Variants in CD101 observed in about 807,000 individuals in gnomAD.
CD101 encodes CD101 molecule.
CD101 carries 76 observed loss-of-function variants against 98.2 expected under a neutral mutation model. That is an observed-to-expected ratio of 0.77 (90% CI 0.64 to 0.94). The LOEUF (loss-of-function observed/expected upper bound fraction) is 0.94, where lower values mean the gene tolerates loss of function less well. Ranked by LOEUF, CD101 falls within the 40% of genes least tolerant of loss-of-function variation. The pLI is 0.00. For synonymous variants in CD101, 471 were observed against 472.7 expected, an observed-to-expected ratio of 1.00 and a Z score of 0.05; for missense variants, 1,145 against 1,218.8, an observed-to-expected ratio of 0.94 and a Z score of 0.90.
intron 6 of CD101, among the ~76,000 whole-genome samples, chr1:117,020,123 T>A (rs1005521572): frequency 2.0e-5 from 3 of 152,048 alleles, no homozygotes; most frequent in African/African-American, 7.2e-5. Flanking sequence ...CCCTTAAGAC[T>A]CAGCTCAGAA....
intron 8 of CD101, among the ~76,000 whole-genome samples, chr1:117,031,226 C>G (rs1477231402): frequency 6.6e-6 from 1 of 152,212 alleles, no homozygotes; most frequent in Non-Finnish European, 1.5e-5. Context: ...CCTTTGATGG[C>G]AGATTGCACT....
rs1016766507 is a variant in CD101, at chr1:117,005,968, C to A, written c.44-3882C>A. On this transcript the variant is annotated intron_variant, in intron 1 of 9. Coordinates refer to ENST00000682167, the MANE Select transcript of CD101 (RefSeq NM_001256106.3). This position sits in a 1 kb window ranked among gnomAD's most constrained non-coding sequence, Gnocchi z 4.4. ...ATAATTTATATGTAAATATAAATAT[C>A]TATATTTAAATATTTCAAAATGTTT... Among the ~76,000 whole-genome samples, 10 of 151,894 alleles carry A rather than the reference C, an allele frequency of 6.6e-5. No individual in the cohort carries two copies. The highest frequency in any genetic ancestry group is 1.5e-4 in the Non-Finnish European group (10 of 67,980).
At position 117,019,827 on chromosome 1, in the gene CD101, T is replaced by C. The variant is rs6669622; in HGVS notation, c.2017+1267T>C. 0.39 allele frequency among the ~76,000 whole-genome samples: 59,447 copies of C among 151,934 alleles called. 12,088 individuals are homozygous for C. The highest frequency in any genetic ancestry group is 0.62 in the East Asian group (3,182 of 5,170). Reference sequence around the variant, plus strand: ...GCATTGCCCCTTATGTCCCCACTCCTCACCAGTGACCCAAGTTGAAAACCT... The same window carrying C: ...GCATTGCCCCTTATGTCCCCACTCCCCACCAGTGACCCAAGTTGAAAACCT... On this transcript the variant is annotated intron_variant, in intron 6 of 9. Transcript: ENST00000682167. This position sits in a 1 kb window ranked among gnomAD's most constrained non-coding sequence, Gnocchi z 4.3.
chr1:117,027,161 A>G (rs948682208), intron 8 of CD101, among the ~76,000 whole-genome samples: 2 of 152,232 alleles, frequency 1.3e-5, no homozygotes, highest in Non-Finnish European at 2.9e-5. Flanking sequence ...CAGCAAATGT[A>G]ATCTCCTTTT....
At chr1:117,002,602 A>G (rs934615384) in intron 1 of CD101, among the ~76,000 whole-genome samples, 2 of 152,242 alleles carry the variant, frequency 1.3e-5, no homozygotes, top group Non-Finnish European at 2.9e-5. Flanking sequence ...AATAGACTCC[A>G]TCTCAGAATA....
Position 117,035,656 on chromosome 1 carries a change from C to T in CD101, c.*34-512C>T, listed in dbSNP as rs556031484. Among the ~76,000 whole-genome samples, 127 of 151,676 alleles carry T rather than the reference C, an allele frequency of 8.4e-4. No homozygotes were observed. The Middle Eastern group carries it at 0.01, about 12-fold the overall frequency. On this transcript the variant is annotated intron_variant, in intron 9 of 9. Transcript: ENST00000682167. ...GCTCCGCCTCCCGGGTTCACGCCAT[C>T]CTCCTGCCTCAGCCTCCCAAGTAGC...
Position 117,005,139 on chromosome 1 carries a change from C to T in CD101, c.43+3279C>T, listed in dbSNP as rs185145329. 6.6e-5 allele frequency among the ~76,000 whole-genome samples: 10 copies of T among 152,204 alleles called. No individual in the cohort carries two copies. Among genetic ancestry groups the T allele is most frequent in the East Asian group, 3.9e-4 (2 of 5,182 alleles). Reference sequence around the variant, plus strand: ...CATCACCTTGGAAATTAGGTTTCTGCGTGTGAGTTTTAGGAAGACACAGAC... The same window carrying T: ...CATCACCTTGGAAATTAGGTTTCTGTGTGTGAGTTTTAGGAAGACACAGAC... On this transcript the variant is annotated intron_variant, in intron 1 of 9. Transcript: ENST00000682167. The surrounding 1 kb of genome is among the most constrained non-coding windows in gnomAD (Gnocchi z 4.4).
chr1:117,021,567 AT>A lies in CD101; in HGVS notation c.2018-3del. The A allele has an allele frequency of 6.4e-7, 1 of 1,554,570 alleles. No individual in the cohort carries two copies. Among genetic ancestry groups the A allele is most frequent in the Non-Finnish European group, 8.6e-7 (1 of 1,156,122 alleles). On this transcript the variant is annotated splice_region_variant and splice_polypyrimidine_tract_variant and intron_variant, in intron 6 of 9. Transcript: ENST00000682167. The surrounding 1 kb of genome is among the most constrained non-coding windows in gnomAD (Gnocchi z 4.7). ...CAAAGTAACTGTTTCATTTTTTTAA[AT>A]TTAGAGAGCAAGCTAAAAGTGAATT...
intron 4 of CD101, among the ~76,000 whole-genome samples, chr1:117,016,200 ATT>A (rs1491349326): frequency 6.8e-6 from 1 of 147,498 alleles, no homozygotes; most frequent in African/African-American, 2.5e-5. Context: ...ATATATATAT[ATT>A]TATTTATATA....
chr1:117,034,938 C>T (rs1430036365), intron 9 of CD101, among the ~76,000 whole-genome samples: 1 of 152,234 alleles, frequency 6.6e-6, no homozygotes, highest in Non-Finnish European at 1.5e-5. Context: ...TTTGACCTGA[C>T]AGCACTGGGT....
intron 1 of CD101, among the ~76,000 whole-genome samples, chr1:117,002,861 A>G (rs192700229): frequency 6.6e-6 from 1 of 152,364 alleles, no homozygotes; most frequent in East Asian, 1.9e-4. Context: ...GTGGTTGTCT[A>G]CATACATAAC....
chr1:117,006,071 C>A lies in CD101; in HGVS notation c.44-3779C>A, dbSNP rs1455149249. On this transcript the variant is annotated intron_variant, in intron 1 of 9. Coordinates refer to ENST00000682167, the MANE Select transcript of CD101 (RefSeq NM_001256106.3). This position sits in a 1 kb window ranked among gnomAD's most constrained non-coding sequence, Gnocchi z 4.4. The stretch of plus-strand genomic sequence containing the variant: ...ATTAAATGCATTATATTTTCACTCA[C>A]CCTTATACACACAACAGTAACTCTT... Among the ~76,000 whole-genome samples the A allele has an allele frequency of 6.6e-6, 1 of 152,090 alleles. No homozygotes were observed. The highest frequency in any genetic ancestry group is 1.5e-5 in the Non-Finnish European group (1 of 68,010).
Position 117,025,695 on chromosome 1 carries a change from AGTAT to A in CD101, c.2617_2620del (p.Tyr873GlyfsTer21). 6.2e-7 allele frequency: 1 copy of A among 1,614,110 alleles called. No homozygotes were observed. ...CACTTGCAACATGATGGCTTGCTGG[AGTAT>A]GGGGAAGAGGGGCTCAGGAGGCACC... On this transcript the variant is annotated frameshift_variant, in exon 8 of 10. Transcript: ENST00000682167. LOFTEE classifies it high-confidence loss of function.
chr1:117,035,549 C>CT (rs11337228), intron 9 of CD101, among the ~76,000 whole-genome samples: 1,586 of 136,646 alleles, frequency 0.012, 9 homozygotes, highest in Non-Finnish European at 0.013. Context: ...GAAATGAAGA[C>CT]TTTTTTTTTT....
rs746163143 is a variant in CD101 at position 117,001,875 on chromosome 1, C to A, written c.43+15C>A. 3.1e-6 allele frequency: 5 copies of A among 1,613,294 alleles called. No homozygotes were observed. The highest frequency in any genetic ancestry group is 4.2e-6 in the Non-Finnish European group (5 of 1,179,278). ...TCTCCTTCTGAGTAAGTTTCATAATCCTTTATGTTTCTCTTGTCACAGGAG... is the reference window on the plus strand; with the variant it reads ...TCTCCTTCTGAGTAAGTTTCATAATACTTTATGTTTCTCTTGTCACAGGAG... On this transcript the variant is annotated intron_variant, in intron 1 of 9. Transcript: ENST00000682167.
Position 117,010,235 on chromosome 1 carries a change from G to T in CD101, c.424+5G>T. On this transcript the variant is annotated splice_donor_5th_base_variant and intron_variant, in intron 2 of 9. Transcript: ENST00000682167. This position sits in a 1 kb window ranked among gnomAD's most constrained non-coding sequence, Gnocchi z 5.2. ...GTGCAAAGACTAATCTAATTGGTAA[G>T]TTGCTTGTCCACTTCTGCTAGCCAG... is the stretch of plus-strand genomic sequence containing the variant. 1 of 1,601,002 alleles carries T rather than the reference G, an allele frequency of 6.2e-7. No individual in the cohort carries two copies. The highest frequency in any genetic ancestry group is 8.5e-7 in the Non-Finnish European group (1 of 1,170,956).
intron 8 of CD101, among the ~76,000 whole-genome samples, chr1:117,029,217 GAAAGAAAGAAAGAAAGAAAGAA>G (rs1654226312): frequency 4.6e-5 from 1 of 21,658 alleles, no homozygotes; most frequent in African/African-American, 3.1e-4. Flanking sequence ...AGAAAGAAAA[GAAAGAAAGAAAGAAAGAAAGAA>G]AGAAAGAAAG....
intron 7 of CD101, 83 bp from the exon 8 acceptor site, chr1:117,025,426 C>A: frequency 8.5e-7 from 1 of 1,176,208 alleles, no homozygotes; most frequent in South Asian, 1.6e-5. Flanking sequence ...ATAAGATCTT[C>A]CCAGTGAGAA....
intron 4 of CD101, among the ~76,000 whole-genome samples, chr1:117,016,348 T>C (rs1019903452): frequency 2.6e-5 from 4 of 151,850 alleles, no homozygotes; most frequent in Admixed American, 6.6e-5. Context: ...ACCAATCAGA[T>C]TGATTAGGGA....
Sources: allele counts gnomAD v4.1 joint callset (sites outside exome capture counted in the v4.1 genomes callset), GRCh38; gene constraint gnomAD v4.1.1; non-coding constraint Gnocchi (gnomAD v3.1); transcripts MANE v1.5; gene names NCBI Gene and HGNC (gene_info 2026-07-23, HGNC 2026-07-21).